Variants in FAM3A observed in about 807,000 individuals in gnomAD.
FAM3A encodes protein FAM3A.
Under a neutral mutation model 18.1 loss-of-function variants are expected in FAM3A, and 5 were observed. The observed-to-expected ratio is 0.28, with a 90% CI of 0.14 to 0.58. The LOEUF (loss-of-function observed/expected upper bound fraction) is 0.58. Ranked by LOEUF, FAM3A falls within the 20% of genes least tolerant of loss-of-function variation. The pLI, the probability that FAM3A is intolerant of heterozygous loss-of-function variation, is 0.91. For synonymous variants in FAM3A, 108 were observed against 90.2 expected (o/e 1.20, Z -1.12); for missense variants, 154 against 216.6 (o/e 0.71, Z 1.81).
chrX:154,512,331 C>A (rs781967876), intron 2 of FAM3A: 2 of 256,133 alleles, frequency 7.8e-6, no homozygotes, highest in African/African-American at 3.1e-5. Flanking sequence ...CTCAGCTACT[C>A]GGGAGGCTGG....
intron 2 of FAM3A, chrX:154,512,460 C>G (rs1557223449): frequency 4.4e-6 from 1 of 226,878 alleles, no homozygotes; most frequent in East Asian, 1.1e-4. Context: ...CAAAAAAGTA[C>G]TCAGGTGACC....
chrX:154,515,188 T>C (rs1382622052), intron 1 of FAM3A, among the ~76,000 whole-genome samples: 1 of 112,153 alleles, frequency 8.9e-6, no homozygotes, highest in South Asian at 3.7e-4. Flanking sequence ...TCAATGACTT[T>C]CTATTTTCTA....
intron 2 of FAM3A, chrX:154,512,563 C>A: frequency 2.7e-6 from 1 of 373,572 alleles, no homozygotes; most frequent in Non-Finnish European, 4.7e-6. Flanking sequence ...GTGGAAGCTC[C>A]CTACCCCTTA....
chrX:154,515,100 G>A (rs1048489459), intron 1 of FAM3A, among the ~76,000 whole-genome samples: 4 of 112,460 alleles, frequency 3.6e-5, no homozygotes, highest in East Asian at 5.6e-4. Flanking sequence ...GATTACAGGC[G>A]TGAGCCACCG....
At chrX:154,509,326 A>C (rs1489449823) in intron 3 of FAM3A, 1 of 116,056 alleles carries the variant, frequency 8.6e-6, no homozygotes, top group Non-Finnish European at 1.8e-5. Context: ...TAGAACTTTC[A>C]GGGTGAGTAA....
In FAM3A at chrX:154,508,611, G is replaced by A; in HGVS notation, c.152-14C>T. Reference sequence around the variant, plus strand: ...TGGCCCGTGGCGCTGGGCAGGGATAGCAGGTGTTATCCATGGGCCTGGCCC... The same window carrying A: ...TGGCCCGTGGCGCTGGGCAGGGATAACAGGTGTTATCCATGGGCCTGGCCC... On this transcript the variant is annotated splice_polypyrimidine_tract_variant and intron_variant, in intron 3 of 8. Coordinates refer to ENST00000447601, the MANE Select transcript of FAM3A (RefSeq NM_021806.4). The A allele has an allele frequency of 8.5e-7, 1 of 1,180,782 alleles. No individual in the cohort carries two copies. The highest frequency in any genetic ancestry group is 1.7e-5 in the African/African-American group (1 of 57,447).
At position 154,507,605 on chromosome X, in the gene FAM3A, G is replaced by A. The variant is rs782810219; in HGVS notation, c.386-115C>T. 1.0e-4 allele frequency: 90 copies of A among 881,972 alleles called. No homozygotes were observed. The East Asian group carries it at 1.5e-3, about 15-fold the overall frequency. The allele number at this position is 881,972 out of a possible 1,213,427, so 72.7% of individuals were successfully genotyped here. On this transcript the variant is annotated intron_variant, in intron 6 of 8. Coordinates refer to ENST00000447601, the MANE Select transcript of FAM3A (RefSeq NM_021806.4). ...AGGGATTGGGCCTGGGACATGCCCC[G>A]CCAAGGGACAGGCTGGTGTAGGAAG...
intron 3 of FAM3A, chrX:154,510,552 A>AAG (rs1300624262): frequency 9.6e-6 from 1 of 104,689 alleles, no homozygotes; most frequent in East Asian, 3.1e-4. Flanking sequence ...AAAAAAAAAA[A>AAG]GGTGCTTTTG....
chrX:154,514,541 C>G (rs113944641), intron 1 of FAM3A, among the ~76,000 whole-genome samples: 1 of 110,817 alleles, frequency 9.0e-6, no homozygotes, highest in Non-Finnish European at 1.9e-5. Flanking sequence ...GTAGCTGGGA[C>G]TACAGGCGCC....
chrX:154,515,191 A>G (rs1557225178), intron 1 of FAM3A, among the ~76,000 whole-genome samples: 2 of 111,277 alleles, frequency 1.8e-5, no homozygotes, highest in Non-Finnish European at 3.8e-5. Context: ...ATGACTTTCT[A>G]TTTTCTAGTT....
At chrX:154,511,503 GAAGA>G in intron 3 of FAM3A, 1 of 219,120 alleles carries the variant, frequency 4.6e-6, no homozygotes, top group Non-Finnish European at 8.4e-6. Context: ...AGCAGGCCCA[GAAGA>G]AAGAATCTCA....
intron 6 of FAM3A, 119 bp downstream of exon 6, chrX:154,507,691 TC>T (rs1207615772): frequency 4.5e-5 from 40 of 896,146 alleles, no homozygotes; most frequent in Non-Finnish European, 6.4e-5. Context: ...CCCTGTCCTT[TC>T]TGAACCCACG....
At position 154,507,435 on chromosome X, in the gene FAM3A, G is replaced by A. The variant is rs139135137; in HGVS notation, c.441C>T (p.Phe147=). The stretch of plus-strand genomic sequence containing the variant: ...TGGCTGGGTCGTCGTAGGATGCCAC[G>A]AACACCAGGGTGCCTTCGTGCAGTG... The part of the protein sequence containing the change: ...IRPLHEGTLV[F]VASYDDPATK... Residue 147 remains phenylalanine, a synonymous_variant, in exon 7 of 9, where the codon TTC becomes TTT. Coordinates refer to ENST00000447601, the MANE Select transcript of FAM3A (RefSeq NM_021806.4). The A allele has an allele frequency of 6.5e-4, 787 of 1,209,792 alleles. 1 individual carries two copies. The East Asian group carries it at 7.5e-3, about 11-fold the overall frequency.
At chrX:154,513,432 C>G (rs781793115) in intron 1 of FAM3A, among the ~76,000 whole-genome samples, 1 of 110,977 alleles carries the variant, frequency 9.0e-6, no homozygotes, top group Admixed American at 9.6e-5. Flanking sequence ...GTGTTCGAGA[C>G]CAGCCTGACA....
At position 154,506,823 on chromosome X, in the gene FAM3A, G is replaced by A; in HGVS notation, c.681C>T (p.Ser227=). The change falls in exon 9 of 9, where the codon AGC becomes AGT. Residue 227 remains serine (S), a synonymous_variant. Transcript: ENST00000447601. ...GGCACTGGCCGTGCTAGCTGGCCGT[G>A]CTTCTCCGCGGGATACAGCCTTCCA... The part of the protein sequence containing the change: ...LEMEGCIPRR[S]TAS 8.3e-7 allele frequency: 1 copy of A among 1,210,475 alleles called. No homozygotes were observed. Among genetic ancestry groups the A allele is most frequent in the South Asian group, 1.8e-5 (1 of 57,008 alleles).
chrX:154,508,431 C>T (rs2069683894), intron 4 of FAM3A, 43 bp downstream of exon 4: 3 of 1,190,624 alleles, frequency 2.5e-6, no homozygotes, highest in East Asian at 6.0e-5. Context: ...GGCCCTGGAT[C>T]CCCCACTCCC....
intron 1 of FAM3A, among the ~76,000 whole-genome samples, chrX:154,515,112 G>A (rs1268832074): frequency 5.3e-5 from 6 of 112,161 alleles, no homozygotes; most frequent in Admixed American, 3.8e-4. Flanking sequence ...GAGCCACCGC[G>A]CCCGGCCTGT....
Position 154,511,986 on chromosome X carries a change from G to A in FAM3A, c.128-115C>T, listed in dbSNP as rs1242617016. On this transcript the variant is annotated intron_variant, in intron 2 of 8. Coordinates refer to ENST00000447601, the MANE Select transcript of FAM3A (RefSeq NM_021806.4). ...CACAGGCAGTCAGGCTCAGGGGCCGGGGGCTAAGCCAGGCCGACCTTGGCA... is the reference window on the plus strand; with the variant it reads ...CACAGGCAGTCAGGCTCAGGGGCCGAGGGCTAAGCCAGGCCGACCTTGGCA... 1.5e-5 allele frequency: 10 copies of A among 662,020 alleles called. No homozygotes were observed. In the East Asian group the frequency reaches 2.7e-4, roughly 18 times the overall value. The allele number at this position is 662,020 out of a possible 1,213,427, so 54.6% of individuals were successfully genotyped here. A position where few individuals can be genotyped will look rare whatever the true frequency, so the allele number is the denominator to read the frequency against.
At position 154,515,840 on chromosome X, in the gene FAM3A, G is replaced by GGTT; in HGVS notation, c.-69_-68insAAC. 3 of 1,137,523 alleles carry GGTT rather than the reference G, an allele frequency of 2.6e-6. No homozygotes were observed. The highest frequency in any genetic ancestry group is 3.6e-5 in the South Asian group (2 of 55,238). The allele number at this position is 1,137,523 out of a possible 1,213,427, so 93.7% of individuals were successfully genotyped here. ...GTTTGGGGGCAAAGCGGAAGGACAG[G>GGTT]TTTGGGTGGGGGTCAGGGGCAAGCC... On this transcript the variant is annotated 5_prime_UTR_variant, in exon 1 of 9. Transcript: ENST00000447601.
Sources: allele counts gnomAD v4.1 joint callset (sites outside exome capture counted in the v4.1 genomes callset), GRCh38; gene constraint gnomAD v4.1.1; transcripts MANE v1.5; gene names NCBI Gene and HGNC (gene_info 2026-07-23, HGNC 2026-07-21).